The following KCNC2 variants were observed in gnomAD, a reference collection of about 807,000 sequenced individuals.
KCNC2 encodes potassium voltage-gated channel subfamily C member 2, also known as voltage-gated potassium channel KCNC2.
KCNC2 carries 21 observed loss-of-function variants against 44.5 expected under a neutral mutation model. The ratio of observed to expected loss-of-function variants is 0.47; its 90% CI spans 0.33 to 0.68. The LOEUF (loss-of-function observed/expected upper bound fraction) is 0.68. Ranked by LOEUF, KCNC2 falls within the 30% of genes least tolerant of loss-of-function variation. The pLI, the probability that KCNC2 is intolerant of heterozygous loss-of-function variation, is 0.01. For missense variants in KCNC2, 589 were observed against 826.2 expected (o/e 0.71, Z 3.52); for synonymous variants, 391 against 339.1 (o/e 1.15, Z -1.68).
At chr12:75,191,426 T>C (rs1269478210) in intron 2 of KCNC2, among the ~76,000 whole-genome samples, 3 of 150,158 alleles carry the variant, frequency 2.0e-5, no homozygotes, top group Non-Finnish European at 4.4e-5. Context: ...AAACTTTTTG[T>C]TTTAAAAATA....
At chr12:75,206,480 G>C (rs1379550548) in intron 2 of KCNC2, among the ~76,000 whole-genome samples, 1 of 152,108 alleles carries the variant, frequency 6.6e-6, no homozygotes, top group African/African-American at 2.4e-5. Flanking sequence ...ACCCGAAAAA[G>C]AACACTGAGG....
intron 4 of KCNC2, chr12:75,043,620 G>A: frequency 8.1e-7 from 1 of 1,234,802 alleles, no homozygotes; most frequent in East Asian, 3.0e-5. Flanking sequence ...GAAAAAAAGA[G>A]AAATAAGTAG....
intron 2 of KCNC2, among the ~76,000 whole-genome samples, chr12:75,193,365 G>T (rs550934652): frequency 6.6e-6 from 1 of 152,200 alleles, no homozygotes; most frequent in African/African-American, 2.4e-5. Context: ...AAAGAAAAGG[G>T]GTTGGTCCTT....
intron 2 of KCNC2, among the ~76,000 whole-genome samples, chr12:75,054,299 T>C (rs1381936280): frequency 6.6e-6 from 1 of 151,878 alleles, no homozygotes; most frequent in Non-Finnish European, 1.5e-5. Context: ...TGTCATAATC[T>C]GGATTCTAAT....
At chr12:75,150,224 T>A (rs560889235) in intron 2 of KCNC2, among the ~76,000 whole-genome samples, 2 of 152,004 alleles carry the variant, frequency 1.3e-5, no homozygotes, top group South Asian at 4.1e-4. Context: ...GGATGACTCA[T>A]AAAAATAAAA....
In KCNC2 at chr12:75,207,605, C is replaced by A. The variant is rs1593102319; in HGVS notation, c.379G>T (p.Ala127Ser). The A allele has an allele frequency of 1.2e-6, 2 of 1,611,868 alleles. No individual in the cohort carries two copies. The highest frequency in any genetic ancestry group is 2.2e-5 in the South Asian group (2 of 90,998). Reference protein sequence around the residue: ...YYRTGKLHCPADVCGPLFEEE... With the variant: ...YYRTGKLHCPSDVCGPLFEEE... ...TCGAAGAGCGGCCCGCACACGTCTGCGGGGCAGTGCAGCTTGCCGGTGCGG... is the reference window on the plus strand; with the variant it reads ...TCGAAGAGCGGCCCGCACACGTCTGAGGGGCAGTGCAGCTTGCCGGTGCGG... Residue 127 changes from alanine to serine, a missense_variant, in exon 2 of 5, where the codon GCA (alanine) becomes TCA (serine). Ala to Ser is a moderately conservative substitution (Grantham distance 99). Coordinates refer to ENST00000549446, the MANE Select transcript of KCNC2 (RefSeq NM_139137.4). The surrounding 1 kb of genome is among the most constrained non-coding windows in gnomAD (Gnocchi z 4.1).
chr12:75,119,974 A>C (rs920193888), intron 2 of KCNC2, among the ~76,000 whole-genome samples: 7 of 152,188 alleles, frequency 4.6e-5, no homozygotes, highest in African/African-American at 1.7e-4. Flanking sequence ...AATCCGGCAA[A>C]ATGTGAATCA....
At chr12:75,083,106 TTTATCTGTTATTTCCAAA>T (rs1321382410) in intron 2 of KCNC2, among the ~76,000 whole-genome samples, 2 of 144,920 alleles carry the variant, frequency 1.4e-5, no homozygotes, top group African/African-American at 2.4e-5. Flanking sequence ...ATTATTTTCT[TTTATCTGTTATTTCCAAA>T]TTTTCTAAAA....
At chr12:75,129,254 G>A (rs536640153) in intron 2 of KCNC2, among the ~76,000 whole-genome samples, 11 of 152,238 alleles carry the variant, frequency 7.2e-5, no homozygotes, top group South Asian at 6.2e-4. Context: ...CCAGGGAGCC[G>A]GGGTGCCATG....
chr12:75,076,142 C>T (rs1380617150), intron 2 of KCNC2, among the ~76,000 whole-genome samples: 1 of 151,482 alleles, frequency 6.6e-6, no homozygotes, highest in Non-Finnish European at 1.5e-5. Context: ...AAATAGAAGG[C>T]CTGGTACTCA....
At chr12:75,208,057 C>A in intron 1 of KCNC2, 55 bp from the exon 2 acceptor site, 3 of 1,589,036 alleles carry the variant, frequency 1.9e-6, no homozygotes, top group Non-Finnish European at 2.6e-6. Flanking sequence ...CAAAGACACA[C>A]CATGACCCCC....
intron 2 of KCNC2, among the ~76,000 whole-genome samples, chr12:75,153,877 A>C (rs543106152): frequency 1.3e-5 from 2 of 152,062 alleles, no homozygotes; most frequent in South Asian, 4.1e-4. Flanking sequence ...GAGTAGGCTG[A>C]GGAGGAGGCA....
At chr12:75,155,877 G>A (rs1206141733) in intron 2 of KCNC2, among the ~76,000 whole-genome samples, 1 of 151,698 alleles carries the variant, frequency 6.6e-6, no homozygotes, top group Non-Finnish European at 1.5e-5. Context: ...TATTTACAGG[G>A]GATGACAATT....
chr12:75,090,550 C>T (rs994291532), intron 2 of KCNC2, among the ~76,000 whole-genome samples: 2 of 151,582 alleles, frequency 1.3e-5, no homozygotes, highest in African/African-American at 2.4e-5. Context: ...ATCCTTTACC[C>T]CTGCCACCAG....
At chr12:75,061,233 C>T (rs1882288478) in intron 2 of KCNC2, among the ~76,000 whole-genome samples, 1 of 152,034 alleles carries the variant, frequency 6.6e-6, no homozygotes, top group South Asian at 2.1e-4. Context: ...TATTTATTTA[C>T]ACCACTTTCC....
chr12:75,076,333 C>G (rs965504659), intron 2 of KCNC2, among the ~76,000 whole-genome samples: 12 of 108,428 alleles, frequency 1.1e-4, no homozygotes, highest in Non-Finnish European at 1.5e-4. Flanking sequence ...CATGCAGTAG[C>G]GCGATCTCGA....
chr12:75,149,524 A>G lies in KCNC2; in HGVS notation c.687+57773T>C, dbSNP rs55701932. On this transcript the variant is annotated intron_variant, in intron 2 of 4. Transcript: ENST00000549446. Reference sequence around the variant, plus strand: ...AAATGGTTTTCTTGCCAGTCCTCTAAGAAGCCACACTAATGAAAGAAATGA... The same window carrying G: ...AAATGGTTTTCTTGCCAGTCCTCTAGGAAGCCACACTAATGAAAGAAATGA... 2.5e-3 allele frequency among the ~76,000 whole-genome samples: 373 copies of G among 151,982 alleles called. 1 individual carries two copies. Among genetic ancestry groups the G allele is most frequent in the African/African-American group, 8.6e-3 (356 of 41,548 alleles).
intron 2 of KCNC2, among the ~76,000 whole-genome samples, chr12:75,061,585 A>G (rs1882336151): frequency 6.6e-6 from 1 of 151,278 alleles, no homozygotes; most frequent in East Asian, 1.9e-4. Flanking sequence ...ACACACACAC[A>G]CACACACACA....
At chr12:75,087,766 T>A (rs956843366) in intron 2 of KCNC2, among the ~76,000 whole-genome samples, 1 of 152,044 alleles carries the variant, frequency 6.6e-6, no homozygotes, top group Non-Finnish European at 1.5e-5. Context: ...CCTGAGAACA[T>A]GAGCACAGGC....
Sources: allele counts gnomAD v4.1 joint callset (sites outside exome capture counted in the v4.1 genomes callset), GRCh38; gene constraint gnomAD v4.1.1; non-coding constraint Gnocchi (gnomAD v3.1); transcripts MANE v1.5; gene names NCBI Gene and HGNC (gene_info 2026-07-23, HGNC 2026-07-21).